The following SLC9A4 variants were observed in gnomAD, a reference collection of about 807,000 sequenced individuals.
SLC9A4 encodes sodium/hydrogen exchanger 4.
A neutral mutation model predicts 67.4 loss-of-function variants in SLC9A4; 63 were observed. That is an observed-to-expected ratio of 0.93 (90% CI 0.76 to 1.15). The LOEUF (loss-of-function observed/expected upper bound fraction) is 1.15, where lower values mean the gene tolerates loss of function less well. Among genes scored for constraint, SLC9A4 ranks in the 50% most tolerant of loss-of-function variants. The pLI is 0.00. For missense variants in SLC9A4, 1,089 were observed against 987.7 expected (o/e 1.10, Z -1.38); for synonymous variants, 393 against 367.2 (o/e 1.07, Z -0.80).
intron 1 of SLC9A4, among the ~76,000 whole-genome samples, chr2:102,477,190 T>G (rs1684353074): frequency 6.6e-6 from 1 of 152,182 alleles, no homozygotes; most frequent in Admixed American, 6.5e-5. Flanking sequence ...TTCCAAGTCC[T>G]CTCCTGACAC....
chr2:102,502,965 C>T (rs372455756), intron 2 of SLC9A4, among the ~76,000 whole-genome samples: 18 of 152,322 alleles, frequency 1.2e-4, no homozygotes, highest in South Asian at 6.2e-4. Flanking sequence ...AGGCAGGATC[C>T]GCTGGAGTTC....
chr2:102,481,817 C>T (rs1684470356), intron 2 of SLC9A4, among the ~76,000 whole-genome samples: 1 of 152,078 alleles, frequency 6.6e-6, no homozygotes, highest in Admixed American at 6.5e-5. Flanking sequence ...GAGATTGTGT[C>T]TAACCAAAAG....
At chr2:102,510,788 T>C (rs1288412447) in intron 6 of SLC9A4, among the ~76,000 whole-genome samples, 1 of 152,026 alleles carries the variant, frequency 6.6e-6, no homozygotes, top group Non-Finnish European at 1.5e-5. Context: ...CATGGCCGAG[T>C]GGCAGATTTT....
chr2:102,491,373 C>A (rs975086299), intron 2 of SLC9A4, among the ~76,000 whole-genome samples: 1 of 118,912 alleles, frequency 8.4e-6, no homozygotes, highest in African/African-American at 3.2e-5. Context: ...AAGAAATACC[C>A]GAGACTGGGT....
chr2:102,486,802 A>T (rs539764436), intron 2 of SLC9A4, among the ~76,000 whole-genome samples: 1 of 152,364 alleles, frequency 6.6e-6, no homozygotes, highest in South Asian at 2.1e-4. Context: ...CAGGTGATAC[A>T]CAAATGTCTT....
intron 2 of SLC9A4, among the ~76,000 whole-genome samples, chr2:102,497,281 C>T (rs1033400496): frequency 5.3e-5 from 8 of 152,166 alleles, no homozygotes; most frequent in East Asian, 1.9e-4. Context: ...AAAACTTTCA[C>T]GTGTCTACCA....
intron 4 of SLC9A4, 139 bp from the exon 5 acceptor site, chr2:102,507,940 C>T: frequency 1.3e-6 from 1 of 753,464 alleles, no homozygotes; most frequent in Non-Finnish European, 2.2e-6. Context: ...GATACTCTAC[C>T]TGGGATAGAC....
chr2:102,518,568 G>A (rs1685327124), intron 8 of SLC9A4, among the ~76,000 whole-genome samples: 1 of 152,210 alleles, frequency 6.6e-6, no homozygotes, highest in Non-Finnish European at 1.5e-5. Flanking sequence ...TCAGTTTATA[G>A]AGAGGACATT....
In SLC9A4 at chr2:102,488,469, C is replaced by T. The variant is rs117688450; in HGVS notation, c.720+9167C>T. Among the ~76,000 whole-genome samples, 69 of 152,198 alleles carry T rather than the reference C, an allele frequency of 4.5e-4. No homozygotes were observed. The East Asian group carries it at 0.013, about 29-fold the overall frequency. On this transcript the variant is annotated intron_variant, in intron 2 of 11. Coordinates refer to ENST00000295269, the MANE Select transcript of SLC9A4 (RefSeq NM_001011552.4). ...AGGTCATCCATACTTTCCTCCTTAC[C>T]CCACAGGACCAGCTTTGATTGTTGG...
At chr2:102,481,369 T>G (rs557103228) in intron 2 of SLC9A4, among the ~76,000 whole-genome samples, 2 of 152,350 alleles carry the variant, frequency 1.3e-5, no homozygotes, top group East Asian at 3.9e-4. Context: ...ATGTTTGTTT[T>G]AATTTGCATT....
intron 8 of SLC9A4, 83 bp from the exon 9 acceptor site, chr2:102,519,776 A>G (rs779394668): frequency 8.4e-6 from 11 of 1,312,074 alleles, no homozygotes; most frequent in Non-Finnish European, 1.2e-5. Flanking sequence ...CCCTCAGTAC[A>G]GAGCAAGGCC....
chr2:102,498,630 AG>A (rs11324971), intron 2 of SLC9A4, among the ~76,000 whole-genome samples: 107,675 of 152,008 alleles, frequency 0.71, 38,856 homozygotes, highest in Middle Eastern at 0.77. Context: ...CAACTCCAAC[AG>A]TGCAATACTC....
intron 9 of SLC9A4, among the ~76,000 whole-genome samples, chr2:102,524,556 T>TTGTGTGTGTG (rs147920382): frequency 0.39 from 57,110 of 145,084 alleles, 11,720 homozygotes; most frequent in Admixed American, 0.5. Flanking sequence ...GTGATAGGAA[T>TTGTGTGTGTG]TGTGTGTGTG....
chr2:102,502,006 G>A (rs142927840), intron 2 of SLC9A4, among the ~76,000 whole-genome samples: 19 of 152,204 alleles, frequency 1.2e-4, no homozygotes, highest in Middle Eastern at 3.4e-3. Context: ...TCTGCAGCAC[G>A]CAGAATACCA....
chr2:102,489,337 G>A (rs900954718), intron 2 of SLC9A4, among the ~76,000 whole-genome samples: 2 of 152,126 alleles, frequency 1.3e-5, no homozygotes, highest in African/African-American at 4.8e-5. Flanking sequence ...GTTTTTAATT[G>A]TTGAGTCTTA....
At position 102,473,530 on chromosome 2, in the gene SLC9A4, T is replaced by C; in HGVS notation, c.-230T>C. 1.8e-6 allele frequency: 1 copy of C among 547,680 alleles called. No individual in the cohort carries two copies. The highest frequency in any genetic ancestry group is 3.2e-6 in the Non-Finnish European group (1 of 311,014). The allele number at this position is 547,680 out of a possible 1,614,324, so 33.9% of individuals were successfully genotyped here. On this transcript the variant is annotated 5_prime_UTR_variant, in exon 1 of 12. Coordinates refer to ENST00000295269, the MANE Select transcript of SLC9A4 (RefSeq NM_001011552.4). ...GACTTTAACAAGTCTATTGAATAACTGCATTTGAGTTGGAAGCTGAGTTGC... is the reference window on the plus strand; with the variant it reads ...GACTTTAACAAGTCTATTGAATAACCGCATTTGAGTTGGAAGCTGAGTTGC...
intron 2 of SLC9A4, among the ~76,000 whole-genome samples, chr2:102,489,966 G>T (rs1684662946): frequency 6.6e-6 from 1 of 152,056 alleles, no homozygotes; most frequent in South Asian, 2.1e-4. Flanking sequence ...AATGAACTGG[G>T]TTCATCATTT....
intron 11 of SLC9A4, among the ~76,000 whole-genome samples, chr2:102,528,382 C>A (rs2104450944): frequency 6.6e-6 from 1 of 151,026 alleles, no homozygotes; most frequent in South Asian, 2.1e-4. Flanking sequence ...AGTGAGAAAA[C>A]AAGAAAGTGT....
rs1397810301 is a variant in SLC9A4, at chr2:102,507,958, G to C, written c.1199-121G>C. ...ACTCTACCTGGGATAGACAATCATG[G>C]GTGTATGATGGAATTAGGCTGCATT... On this transcript the variant is annotated intron_variant, in intron 4 of 11. Transcript: ENST00000295269. The C allele has an allele frequency of 4.3e-5, 37 of 855,996 alleles. No individual in the cohort carries two copies. The Admixed American group carries it at 7.7e-4, about 18-fold the overall frequency. The allele number at this position is 855,996 out of a possible 1,614,324, so 53.0% of individuals were successfully genotyped here. A position where few individuals can be genotyped will look rare whatever the true frequency, so the allele number is the denominator to read the frequency against.
Sources: allele counts gnomAD v4.1 joint callset (sites outside exome capture counted in the v4.1 genomes callset), GRCh38; gene constraint gnomAD v4.1.1; transcripts MANE v1.5; gene names NCBI Gene and HGNC (gene_info 2026-07-23, HGNC 2026-07-21).